The following TCERG1 variants were observed in gnomAD, a reference collection of about 807,000 sequenced individuals.
TCERG1 encodes TATA box binding protein (TBP)-associated factor, RNA polymerase II, S, 150kD.
Under a neutral mutation model 144.7 loss-of-function variants are expected in TCERG1, and 37 were observed. The observed-to-expected ratio is 0.26, with a 90% CI of 0.20 to 0.34. TCERG1 has a LOEUF of 0.34. Among genes scored for constraint, TCERG1 ranks in the 10% least tolerant of loss-of-function variants. The probability of loss-of-function intolerance (pLI) is 1.00; values close to 1 mark genes in which losing one functional copy is unlikely to be tolerated. For missense variants in TCERG1, 1,027 were observed against 1,380.7 expected (o/e 0.74, Z 4.06); for synonymous variants, 492 against 458.2 (o/e 1.07, Z -0.94).
At chr5:146,459,671 A>T (rs913107548) in intron 4 of TCERG1, among the ~76,000 whole-genome samples, 1 of 152,204 alleles carries the variant, frequency 6.6e-6, no homozygotes, top group Admixed American at 6.5e-5. Flanking sequence ...TTCCTAATCG[A>T]GGAGGCAAGA....
intron 6 of TCERG1, among the ~76,000 whole-genome samples, chr5:146,468,789 T>G (rs1292473206): frequency 6.6e-6 from 1 of 152,190 alleles, no homozygotes; most frequent in Non-Finnish European, 1.5e-5. Flanking sequence ...TATATGTGTG[T>G]GAATACATGT....
At chr5:146,481,113 T>C (rs369135390) in intron 12 of TCERG1, 37 bp from the exon 13 acceptor site, 6 of 970,790 alleles carry the variant, frequency 6.2e-6, no homozygotes, top group South Asian at 4.8e-5. Context: ...TTTGTTCTTA[T>C]AGACAACTCT....
At chr5:146,483,062 C>T (rs1340541588) in intron 14 of TCERG1, among the ~76,000 whole-genome samples, 1 of 151,970 alleles carries the variant, frequency 6.6e-6, no homozygotes, top group East Asian at 1.9e-4. Flanking sequence ...CCTTTAATAT[C>T]TTGAGAATGG....
intron 15 of TCERG1, among the ~76,000 whole-genome samples, chr5:146,488,620 T>C (rs1766088619): frequency 6.6e-6 from 1 of 152,170 alleles, no homozygotes; most frequent in Admixed American, 6.5e-5. Context: ...TATATACTGT[T>C]GGTTAGAATT....
At chr5:146,485,291 TC>T (rs1561679640) in intron 15 of TCERG1, among the ~76,000 whole-genome samples, 1 of 152,218 alleles carries the variant, frequency 6.6e-6, no homozygotes, top group Non-Finnish European at 1.5e-5. Context: ...AAGTATTGTC[TC>T]TTTGCCTTTT....
Position 146,500,770 on chromosome 5 carries a change from C to T in TCERG1, c.2433+2084C>T, listed in dbSNP as rs1386544273. Among the ~76,000 whole-genome samples the T allele has an allele frequency of 1.3e-5, 2 of 152,014 alleles. 1 individual carries two copies. The highest frequency in any genetic ancestry group is 4.8e-5 in the African/African-American group (2 of 41,402). On this transcript the variant is annotated intron_variant, in intron 17 of 22. Coordinates refer to ENST00000679501, the MANE Select transcript of TCERG1 (RefSeq NM_001382548.1). ...GAGTGGTGGCTCATGCCTGTAATCC[C>T]AGCACTTTGGGAGGCTGAGGCACGA...
At chr5:146,503,204 C>T (rs901047345) in intron 17 of TCERG1, 171 bp from the exon 18 acceptor site, 2 of 494,840 alleles carry the variant, frequency 4.0e-6, no homozygotes, top group East Asian at 3.3e-5. Flanking sequence ...AGTAAAAGAA[C>T]ACTTCTGATC....
chr5:146,495,196 A>G (rs1451886860), intron 16 of TCERG1, among the ~76,000 whole-genome samples: 1 of 152,216 alleles, frequency 6.6e-6, no homozygotes, highest in Non-Finnish European at 1.5e-5. Flanking sequence ...GCTTGAGACC[A>G]GAAGTCTTTT....
chr5:146,447,844 T>G (rs2150123954), intron 1 of TCERG1, among the ~76,000 whole-genome samples: 1 of 152,372 alleles, frequency 6.6e-6, no homozygotes, highest in Middle Eastern at 3.4e-3. Context: ...CACTTCTGGC[T>G]AAGCCTTCTC....
At chr5:146,504,802 T>G (rs1421771091) in intron 19 of TCERG1, among the ~76,000 whole-genome samples, 1 of 152,142 alleles carries the variant, frequency 6.6e-6, no homozygotes. Context: ...ATCCCAGCAC[T>G]TTGGGAGGCC....
intron 5 of TCERG1, among the ~76,000 whole-genome samples, chr5:146,467,061 A>G (rs1763857494): frequency 6.6e-6 from 1 of 152,200 alleles, no homozygotes; most frequent in Non-Finnish European, 1.5e-5. Context: ...TATACATATA[A>G]CTTTATTCAA....
intron 21 of TCERG1, 40 bp from the exon 22 acceptor site, chr5:146,509,105 T>A (rs1439216036): frequency 7.8e-7 from 1 of 1,290,032 alleles, no homozygotes; most frequent in Non-Finnish European, 1.1e-6. Flanking sequence ...ATTAGTGGGT[T>A]TTATTTCCAT....
chr5:146,497,620 T>C (rs1767053794), intron 16 of TCERG1, among the ~76,000 whole-genome samples: 1 of 152,246 alleles, frequency 6.6e-6, no homozygotes, highest in African/African-American at 2.4e-5. Context: ...TGGAGTCTGT[T>C]ACCTTTCATT....
chr5:146,481,484 A>T (rs947124314), intron 13 of TCERG1: 3 of 152,154 alleles, frequency 2.0e-5, no homozygotes, highest in African/African-American at 7.2e-5. Flanking sequence ...CAGGTCACGG[A>T]CTATGTCTTC....
chr5:146,480,779 A>G (rs186020277), intron 12 of TCERG1, among the ~76,000 whole-genome samples: 1 of 152,236 alleles, frequency 6.6e-6, no homozygotes, highest in East Asian at 1.9e-4. Context: ...ATGGCAAAGA[A>G]ATCAGTAGGA....
In TCERG1 at chr5:146,447,402, A is replaced by G. The variant is rs1342889602; in HGVS notation, c.53A>G (p.Glu18Gly). 1.9e-6 allele frequency: 3 copies of G among 1,610,756 alleles called. No homozygotes were observed. The highest frequency in any genetic ancestry group is 2.5e-6 in the Non-Finnish European group (3 of 1,178,878). ...GAGAGTGAACGATTCAACCCGGGGG[A>G]GCTCAGGTAAGGAACGCTGCCCTCC... ...GGESERFNPG[E>G]LRMAQQQALR... The change falls in exon 1 of 23, where the codon GAG (glutamate) becomes GGG (glycine). Residue 18 changes from glutamate (E) to glycine (G), a missense_variant. Physicochemically the swap from Glu to Gly is moderately conservative, Grantham distance 98. Transcript: ENST00000679501.
intron 9 of TCERG1, among the ~76,000 whole-genome samples, chr5:146,477,987 G>T (rs1765011408): frequency 6.6e-6 from 1 of 152,076 alleles, no homozygotes; most frequent in African/African-American, 2.4e-5. Context: ...ACAGGCCTGA[G>T]CCACCGTGCT....
intron 6 of TCERG1, 99 bp downstream of exon 6, chr5:146,468,502 G>T: frequency 9.2e-7 from 1 of 1,086,288 alleles, no homozygotes; most frequent in Non-Finnish European, 1.3e-6. Context: ...CAAGTGAGTG[G>T]ATATTTTTAT....
chr5:146,469,562 C>T lies in TCERG1; in HGVS notation c.1217C>T (p.Ala406Val). 1 of 1,602,198 alleles carries T rather than the reference C, an allele frequency of 6.2e-7. No homozygotes were observed. The highest frequency in any genetic ancestry group is 8.5e-7 in the Non-Finnish European group (1 of 1,175,642). ...TTKTGVLPGM[A>V]PPIVPMIHPQ... Reference sequence around the variant, plus strand: ...TTTTTAGGTGTATTGCCAGGAATGGCCCCTCCTATCGTACCCATGATACAT... The same window carrying T: ...TTTTTAGGTGTATTGCCAGGAATGGTCCCTCCTATCGTACCCATGATACAT... The change falls in exon 7 of 23, where the codon GCC (alanine) becomes GTC (valine). Residue 406 changes from alanine to valine, a missense_variant. This residue lies in a region of TCERG1 where 482 missense variants were observed against 632.6 expected (regional missense o/e 0.76). Transcript: ENST00000679501.
Sources: gnomAD v4.1 joint callset for allele counts (sites outside exome capture counted in the v4.1 genomes callset) on GRCh38, gnomAD v4.1.1 for gene constraint, gnomAD v4.1.1 regional missense constraint, MANE v1.5 for transcripts, NCBI Gene and HGNC (gene_info 2026-07-23, HGNC 2026-07-21) for gene names.